The following RARB variants were observed in gnomAD, a reference collection of about 807,000 sequenced individuals.
RARB encodes the protein HBV-activated protein.
A neutral mutation model predicts 51.9 loss-of-function variants in RARB; 17 were observed. That is an observed-to-expected ratio of 0.33 (90% CI 0.22 to 0.49). The LOEUF (loss-of-function observed/expected upper bound fraction) is 0.49. Among genes scored for constraint, RARB ranks in the 20% least tolerant of loss-of-function variants. The pLI is 0.99. For synonymous variants in RARB, 215 were observed against 195.4 expected, an observed-to-expected ratio of 1.10 and a Z score of -0.84; for missense variants, 369 against 550.8, an observed-to-expected ratio of 0.67 and a Z score of 3.30.
intron 2 of RARB, among the ~76,000 whole-genome samples, chr3:24,941,381 T>C (rs1184118977): frequency 6.6e-6 from 1 of 151,976 alleles, no homozygotes; most frequent in Non-Finnish European, 1.5e-5. Context: ...AGTCTTTTTT[T>C]TTTTTTGAGA....
intron 3 of RARB, among the ~76,000 whole-genome samples, chr3:25,557,626 A>C (rs1430996136): frequency 6.6e-6 from 1 of 152,076 alleles, no homozygotes; most frequent in African/African-American, 2.4e-5. Flanking sequence ...TGCATCTGCT[A>C]TCCTGGCACT....
intron 2 of RARB, among the ~76,000 whole-genome samples, chr3:24,896,579 AGAT>A (rs1311541789): frequency 6.6e-6 from 1 of 152,122 alleles, no homozygotes; most frequent in African/African-American, 2.4e-5. Flanking sequence ...GTTTTAGTTG[AGAT>A]GATAAGTTCA....
chr3:25,549,050 T>C (rs974281418), intron 3 of RARB, among the ~76,000 whole-genome samples: 2 of 152,128 alleles, frequency 1.3e-5, no homozygotes, highest in African/African-American at 4.8e-5. Flanking sequence ...TCTAGGTTAG[T>C]AATTATGAAT....
intron 3 of RARB, among the ~76,000 whole-genome samples, chr3:25,533,112 C>A (rs1463154376): frequency 6.6e-6 from 1 of 152,098 alleles, no homozygotes; most frequent in Non-Finnish European, 1.5e-5. Flanking sequence ...CTAATGCATT[C>A]ATTGTAAAGG....
chr3:25,457,470 C>A (rs771500656), intron 1 of RARB, among the ~76,000 whole-genome samples: 15 of 152,198 alleles, frequency 9.9e-5, no homozygotes, highest in Non-Finnish European at 2.1e-4. Flanking sequence ...CTATTGATTA[C>A]TTACAATAGA....
intron 2 of RARB, among the ~76,000 whole-genome samples, chr3:24,959,494 T>C (rs975137111): frequency 6.6e-6 from 1 of 152,176 alleles, no homozygotes; most frequent in African/African-American, 2.4e-5. Flanking sequence ...ACAGGGTTTT[T>C]TATCGATATA....
At chr3:24,973,738 AT>A (rs1375949323) in intron 2 of RARB, among the ~76,000 whole-genome samples, 1 of 151,472 alleles carries the variant, frequency 6.6e-6, no homozygotes, top group Non-Finnish European at 1.5e-5. Flanking sequence ...TGCTTTTGTA[AT>A]TTTTTTCAGA....
chr3:25,451,683 T>C (rs1452204699), intron 1 of RARB, among the ~76,000 whole-genome samples: 1 of 152,204 alleles, frequency 6.6e-6, no homozygotes, highest in African/African-American at 2.4e-5. Flanking sequence ...AAGCATAATT[T>C]CATTGTTGTC....
chr3:24,837,697 A>T (rs1339152005), intron 1 of RARB, among the ~76,000 whole-genome samples: 1 of 152,194 alleles, frequency 6.6e-6, no homozygotes, highest in African/African-American at 2.4e-5. Flanking sequence ...TATGGCACAG[A>T]TCGAAAACTA....
intron 2 of RARB, among the ~76,000 whole-genome samples, chr3:24,947,305 TTC>T (rs1167695581): frequency 6.6e-6 from 1 of 152,246 alleles, no homozygotes; most frequent in African/African-American, 2.4e-5. Context: ...ATGACATCAT[TTC>T]TCTGTTTACC....
intron 4 of RARB, among the ~76,000 whole-genome samples, chr3:25,147,415 C>G (rs1431996256): frequency 6.6e-6 from 1 of 152,154 alleles, no homozygotes; most frequent in Admixed American, 6.5e-5. Context: ...TACTGCTTAA[C>G]AAGGTTACTT....
chr3:25,231,958 C>T (rs1575239080), intron 5 of RARB, among the ~76,000 whole-genome samples: 1 of 151,928 alleles, frequency 6.6e-6, no homozygotes, highest in African/African-American at 2.4e-5. Flanking sequence ...TGTCTAAGAT[C>T]TCATTGCCCA....
At chr3:25,078,293 T>G (rs1312807828) in intron 3 of RARB, among the ~76,000 whole-genome samples, 1 of 151,678 alleles carries the variant, frequency 6.6e-6, no homozygotes. Flanking sequence ...ACTCTAACTT[T>G]TGTGTGGTAT....
At chr3:25,372,113 T>C (rs916284206) in intron 5 of RARB, among the ~76,000 whole-genome samples, 1 of 152,202 alleles carries the variant, frequency 6.6e-6, no homozygotes, top group Non-Finnish European at 1.5e-5. Context: ...TAGGCCAGGA[T>C]AAAAAGTTTG....
intron 2 of RARB, among the ~76,000 whole-genome samples, chr3:24,899,784 T>C (rs1291677762): frequency 3.9e-5 from 6 of 152,224 alleles, no homozygotes; most frequent in African/African-American, 9.6e-5. Context: ...AGCTCCCTCA[T>C]AAAGATATAA....
At chr3:25,375,220 A>G (rs1706423484) in intron 5 of RARB, among the ~76,000 whole-genome samples, 1 of 152,234 alleles carries the variant, frequency 6.6e-6, no homozygotes, top group South Asian at 2.1e-4. Flanking sequence ...GGCAATAAAT[A>G]CAGGACCCTA....
chr3:25,071,484 G>T (rs574829489), intron 3 of RARB, among the ~76,000 whole-genome samples: 52 of 152,258 alleles, frequency 3.4e-4, no homozygotes, highest in African/African-American at 1.2e-3. Context: ...GAGTTGGTTG[G>T]TTGTGTGTAT....
chr3:25,163,537 A>T (rs1209034654), intron 4 of RARB, among the ~76,000 whole-genome samples: 1 of 129,900 alleles, frequency 7.7e-6, no homozygotes, highest in Non-Finnish European at 1.6e-5. Context: ...ATATATATAT[A>T]TTTGTTTATT....
At chr3:25,363,927 A>G (rs1023422057) in intron 5 of RARB, among the ~76,000 whole-genome samples, 5 of 151,990 alleles carry the variant, frequency 3.3e-5, no homozygotes, top group Admixed American at 6.6e-5. Flanking sequence ...CACTGGCTCA[A>G]ATGTTCTCTC....
Sources: gnomAD v4.1 joint callset for allele counts (sites outside exome capture counted in the v4.1 genomes callset) on GRCh38, gnomAD v4.1.1 for gene constraint, MANE v1.5 for transcripts, NCBI Gene and HGNC (gene_info 2026-07-23, HGNC 2026-07-21) for gene names.